MBP: variants seen among roughly 807,000 people sequenced by gnomAD.
MBP encodes the protein myelin basic protein.
A neutral mutation model predicts 35.8 loss-of-function variants in MBP; 16 were observed. The ratio of observed to expected loss-of-function variants is 0.45; its 90% confidence interval spans 0.30 to 0.68. The LOEUF (loss-of-function observed/expected upper bound fraction) is 0.68. Among genes scored for constraint, MBP ranks in the 30% least tolerant of loss-of-function variants. MBP has a pLI of 0.08. For missense variants in MBP, 380 were observed against 404.7 expected (o/e 0.94, Z 0.52); for synonymous variants, 143 against 159.6 (o/e 0.90, Z 0.78).
Position 77,025,705 on chromosome 18 carries a change from C to CTTTTTTTTTTT in MBP, c.140-8448_140-8438dup, listed in dbSNP as rs540022394. ...GCGGACACTGTCCTCTATTGAAATA[C>CTTTTTTTTTTT]TTTTTTTTTTTTTTTTTTTTACCTA... On this transcript the variant is annotated intron_variant, in intron 3 of 8. Transcript: ENST00000355994. 1.3e-3 allele frequency among the ~76,000 whole-genome samples: 137 copies of CTTTTTTTTTTT among 108,784 alleles called. 12 individuals are homozygous for CTTTTTTTTTTT. The highest frequency in any genetic ancestry group is 5.7e-3 in the Middle Eastern group (1 of 174). The allele number at this position is 108,784 out of a possible 152,430, so 71.4% of individuals were successfully genotyped here.
At chr18:77,048,061 T>A (rs1973327126) in intron 3 of MBP, among the ~76,000 whole-genome samples, 1 of 152,344 alleles carries the variant, frequency 6.6e-6, no homozygotes, top group Non-Finnish European at 1.5e-5. Context: ...ATTAAACACT[T>A]AAATGAGCTA....
intron 3 of MBP, among the ~76,000 whole-genome samples, chr18:77,056,154 T>C (rs1219429480): frequency 6.6e-6 from 1 of 152,206 alleles, no homozygotes; most frequent in Admixed American, 6.5e-5. Context: ...GGGCTGGGTC[T>C]GCAGAGGCTT....
intron 3 of MBP, among the ~76,000 whole-genome samples, chr18:77,049,607 C>T (rs1256691250): frequency 1.3e-5 from 2 of 152,084 alleles, no homozygotes; most frequent in Non-Finnish European, 2.9e-5. Flanking sequence ...CTAGATCATT[C>T]CTTTTGGTCA....
intron 3 of MBP, among the ~76,000 whole-genome samples, chr18:77,062,079 C>T (rs548989211): frequency 2.0e-5 from 3 of 152,318 alleles, no homozygotes; most frequent in African/African-American, 7.2e-5. Flanking sequence ...GAGTCCACAT[C>T]CCTCCAGCCC....
At position 76,988,932 on chromosome 18, in the gene MBP, C is replaced by A. The variant is rs747442374; in HGVS notation, c.682-20G>T. 2.5e-6 allele frequency: 4 copies of A among 1,613,636 alleles called. No homozygotes were observed. The highest frequency in any genetic ancestry group is 2.5e-6 in the Non-Finnish European group (3 of 1,179,688). On this transcript the variant is annotated intron_variant, in intron 5 of 8. Coordinates refer to ENST00000355994, the MANE Select transcript of MBP (RefSeq NM_001025101.2). The surrounding 1 kb of genome is among the most constrained non-coding windows in gnomAD (Gnocchi z 5.2). ...CGTCACCTGGAAAGACACAGAGAACCGTGGGCTGCACTGGGAGCCCTGTGC... is the reference window on the plus strand; with the variant it reads ...CGTCACCTGGAAAGACACAGAGAACAGTGGGCTGCACTGGGAGCCCTGTGC...
intron 3 of MBP, among the ~76,000 whole-genome samples, chr18:77,040,977 C>G (rs1972965512): frequency 6.6e-6 from 1 of 151,996 alleles, no homozygotes; most frequent in South Asian, 2.1e-4. Context: ...AAGAAACTAC[C>G]ATCAGAGTGA....
chr18:77,048,507 CG>C (rs1973347273), intron 3 of MBP, among the ~76,000 whole-genome samples: 1 of 152,066 alleles, frequency 6.6e-6, no homozygotes, highest in African/African-American at 2.4e-5. Flanking sequence ...CTCGCTCTGT[CG>C]CCCAGGCTGG....
Position 76,980,134 on chromosome 18 carries a change from C to A in MBP, c.*293G>T. 1.5e-6 allele frequency: 1 copy of A among 661,942 alleles called. No homozygotes were observed. Among genetic ancestry groups the A allele is most frequent in the Non-Finnish European group, 2.7e-6 (1 of 367,944 alleles). 41.0% of individuals were successfully genotyped at this position (661,942 alleles called of 1,614,324 possible). ...GGGTGAACGTGGAGGGACGTCTGTG[C>A]ACCTGGCCCCCTGAAGACCCACGTG... On this transcript the variant is annotated 3_prime_UTR_variant, in exon 9 of 9. Transcript: ENST00000355994.
chr18:77,067,570 G>C (rs8084038), intron 2 of MBP, among the ~76,000 whole-genome samples: 1 of 152,182 alleles, frequency 6.6e-6, no homozygotes, highest in Non-Finnish European at 1.5e-5. Flanking sequence ...CATGGCCAAG[G>C]AGTATTTCTG....
At chr18:77,107,550 C>T (rs1976318560) in intron 1 of MBP, among the ~76,000 whole-genome samples, 1 of 152,154 alleles carries the variant, frequency 6.6e-6, no homozygotes, top group African/African-American at 2.4e-5. Flanking sequence ...TTGGGACTTG[C>T]TGGTAGACAA....
chr18:76,988,800 C>T lies in MBP; in HGVS notation c.717+77G>A, dbSNP rs1359210679. ...TTCTGGTAGCTCGGAGCCTAACTCT[C>T]TCTTTGGTACATTATGGGATTTTAG... On this transcript the variant is annotated intron_variant, in intron 6 of 8. Coordinates refer to ENST00000355994, the MANE Select transcript of MBP (RefSeq NM_001025101.2). The surrounding 1 kb of genome is among the most constrained non-coding windows in gnomAD (Gnocchi z 5.2). 2.0e-6 allele frequency: 3 copies of T among 1,503,556 alleles called. No homozygotes were observed. Among genetic ancestry groups the T allele is most frequent in the African/African-American group, 1.4e-5 (1 of 72,014 alleles). The allele number at this position is 1,503,556 out of a possible 1,614,324, so 93.1% of individuals were successfully genotyped here. A position where few individuals can be genotyped will look rare whatever the true frequency, so the allele number is the denominator to read the frequency against.
At chr18:77,017,319 G>T (rs754371483) in intron 3 of MBP, 51 bp from the exon 4 acceptor site, 17 of 1,453,974 alleles carry the variant, frequency 1.2e-5, no homozygotes, top group African/African-American at 1.4e-5. Flanking sequence ...GCTGAGCACC[G>T]GACAAAGCAG....
At chr18:77,105,047 C>CGTA (rs34723130) in intron 2 of MBP, among the ~76,000 whole-genome samples, 164 bp downstream of exon 2, 3 of 12,590 alleles carry the variant, frequency 2.4e-4, no homozygotes, top group Non-Finnish European at 3.0e-3. Context: ...CGTAATAAAT[C>CGTA]ATAATTAATT....
rs528363202 is a variant in MBP at position 76,980,730 on chromosome 18, C to A, written c.871-259G>T. 1,999 of 506,134 alleles carry A rather than the reference C, an allele frequency of 3.9e-3. 3 individuals carry two copies. The highest frequency in any genetic ancestry group is 0.011 in the Middle Eastern group (22 of 1,916). 31.4% of individuals were successfully genotyped at this position (506,134 alleles called of 1,614,324 possible). On this transcript the variant is annotated intron_variant, in intron 8 of 8. Coordinates refer to ENST00000355994, the MANE Select transcript of MBP (RefSeq NM_001025101.2). Reference sequence around the variant, plus strand: ...CCCCAGGGAGTGGTGCCTGGCATAACCACTGCTCTGCAAAACAACGCTGCA... The same window carrying A: ...CCCCAGGGAGTGGTGCCTGGCATAAACACTGCTCTGCAAAACAACGCTGCA...
intron 1 of MBP, among the ~76,000 whole-genome samples, chr18:77,117,356 T>A (rs1976703496): frequency 6.6e-6 from 1 of 152,192 alleles, no homozygotes; most frequent in Admixed American, 6.5e-5. Flanking sequence ...TTTTCGAGTG[T>A]TTTCTGCATG....
At chr18:77,030,927 A>C (rs1246469560) in intron 3 of MBP, among the ~76,000 whole-genome samples, 1 of 152,212 alleles carries the variant, frequency 6.6e-6, no homozygotes, top group Non-Finnish European at 1.5e-5. Flanking sequence ...AGCTAAGTTC[A>C]AGTCAAGTCC....
chr18:76,999,991 CA>C (rs1970544231), intron 4 of MBP, among the ~76,000 whole-genome samples: 1 of 152,114 alleles, frequency 6.6e-6, no homozygotes, highest in Non-Finnish European at 1.5e-5. Flanking sequence ...CACAGGGCCG[CA>C]CCTTGTGATG....
rs777609271 is a variant in MBP, at chr18:77,017,051, G to A, written c.357C>T (p.Thr119=). The A allele has an allele frequency of 1.2e-6, 2 of 1,613,466 alleles. No individual in the cohort carries two copies. Among genetic ancestry groups the A allele is most frequent in the Non-Finnish European group, 1.7e-6 (2 of 1,179,474 alleles). ...DRPSESDELQ[T]IQEDSAATSE... is the part of the protein sequence containing the mutation. ...AGGTGGCTGCACTGTCTTCTTGGAT[G>A]GTCTGGAGCTCGTCGGACTCAGAGG... is the stretch of plus-strand genomic sequence containing the variant. Residue 119 remains threonine (T), a synonymous_variant, in exon 4 of 9, where the codon ACC becomes ACT. Transcript: ENST00000355994.
intron 4 of MBP, chr18:77,003,089 A>G (rs1297217804): frequency 6.6e-6 from 1 of 152,234 alleles, no homozygotes; most frequent in Non-Finnish European, 1.5e-5. Flanking sequence ...AATAAATGCC[A>G]GTGTAGTTAA....
Sources: allele counts gnomAD v4.1 joint callset (sites outside exome capture counted in the v4.1 genomes callset), GRCh38; gene constraint gnomAD v4.1.1; non-coding constraint Gnocchi (gnomAD v3.1); transcripts MANE v1.5; gene names NCBI Gene and HGNC (gene_info 2026-07-23, HGNC 2026-07-21).